Variants in JADE1 observed in about 807,000 individuals in gnomAD.
The protein encoded by JADE1 is jade family PHD finger 1.
Under a neutral mutation model 81.8 loss-of-function variants are expected in JADE1, and 14 were observed. The observed-to-expected ratio is 0.17, with a 90% CI of 0.11 to 0.27. JADE1 has a LOEUF of 0.27. JADE1 is among the 10% of genes least tolerant of loss of function. The probability of loss-of-function intolerance (pLI) is 1.00; values close to 1 mark genes in which losing one functional copy is unlikely to be tolerated. For missense variants in JADE1, 690 were observed against 1,047.9 expected (o/e 0.66, Z 4.71); for synonymous variants, 353 against 391.9 (o/e 0.90, Z 1.17).
In JADE1 at chr4:128,873,131, A is replaced by G. The variant is rs1245601261; in HGVS notation, c.*869A>G. 21 of 253,698 alleles carry G rather than the reference A, an allele frequency of 8.3e-5. No individual in the cohort carries two copies. 15.7% of individuals were successfully genotyped at this position (253,698 alleles called of 1,614,324 possible). On this transcript the variant is annotated 3_prime_UTR_variant, in exon 11 of 11. Coordinates refer to ENST00000226319, the MANE Select transcript of JADE1 (RefSeq NM_199320.4). Reference sequence around the variant, plus strand: ...CTGGCCATCTGGCTTCCAATAGTACAGTGGCTACTCAAGTTCAAGCGAAGA... The same window carrying G: ...CTGGCCATCTGGCTTCCAATAGTACGGTGGCTACTCAAGTTCAAGCGAAGA...
At position 128,871,889 on chromosome 4, in the gene JADE1, CCAAGTG is replaced by C. The variant is rs1732222888; in HGVS notation, c.2160_2165del (p.Lys720_Cys721del). 1 of 1,613,938 alleles carries C rather than the reference CCAAGTG, an allele frequency of 6.2e-7. No individual in the cohort carries two copies. The highest frequency in any genetic ancestry group is 1.3e-5 in the African/African-American group (1 of 74,896). Reference sequence around the variant, plus strand: ...CCTGGCACAAGGAAGGAGATAGTGCCCAAGTGCAATGGCTCCCTAATCAAAGTAAAC... The same window carrying C: ...CCTGGCACAAGGAAGGAGATAGTGCCCAATGGCTCCCTAATCAAAGTAAAC... On this transcript the variant is annotated inframe_deletion, in exon 11 of 11. Transcript: ENST00000226319. The surrounding 1 kb of genome is among the most constrained non-coding windows in gnomAD (Gnocchi z 4.1).
intron 1 of JADE1, among the ~76,000 whole-genome samples, chr4:128,826,541 T>G (rs1182729232): frequency 1.3e-5 from 2 of 151,362 alleles, no homozygotes; most frequent in East Asian, 1.9e-4. Context: ...TGTTTTTTTT[T>G]TTTTTTTCAG....
chr4:128,862,749 G>C, intron 9 of JADE1: 1 of 1,004,166 alleles, frequency 1.0e-6, no homozygotes, highest in Non-Finnish European at 1.2e-6. Flanking sequence ...TTTGTTTCTT[G>C]GGTAATTCAC....
chr4:128,870,757 A>C (rs1732130691), intron 10 of JADE1, among the ~76,000 whole-genome samples: 1 of 152,182 alleles, frequency 6.6e-6, no homozygotes, highest in Non-Finnish European at 1.5e-5. Flanking sequence ...AATCCCACAA[A>C]TGTATTTTGC....
chr4:128,845,018 G>A (rs1729748928), intron 3 of JADE1, among the ~76,000 whole-genome samples: 1 of 152,224 alleles, frequency 6.6e-6, no homozygotes. Context: ...GTTCAGCATT[G>A]TGACTTGTGT....
At chr4:128,828,514 A>C (rs1177912249) in intron 1 of JADE1, among the ~76,000 whole-genome samples, 1 of 151,996 alleles carries the variant, frequency 6.6e-6, no homozygotes, top group Non-Finnish European at 1.5e-5. Context: ...ATACTGTGCC[A>C]AGTTCCCTGG....
At chr4:128,837,479 G>A (rs1482147351) in intron 2 of JADE1, among the ~76,000 whole-genome samples, 3 of 152,164 alleles carry the variant, frequency 2.0e-5, no homozygotes, top group Middle Eastern at 3.2e-3. Flanking sequence ...GCTGGGCTAC[G>A]CTGGGGTAAA....
rs975178524 is a variant in JADE1 at position 128,861,811 on chromosome 4, C to T, written c.1089C>T (p.Ser363=). Reference sequence around the variant, plus strand: ...AGAATGATGAAGTCAAGTTCAAGTCCTATTGCCCAAAGCACAGCTCACATA... The same window carrying T: ...AGAATGATGAAGTCAAGTTCAAGTCTTATTGCCCAAAGCACAGCTCACATA... ...LAENDEVKFK[S]YCPKHSSHRK... The change falls in exon 9 of 11, where the codon TCC becomes TCT. Residue 363 remains serine (S), a synonymous_variant. Coordinates refer to ENST00000226319, the MANE Select transcript of JADE1 (RefSeq NM_199320.4). 2 of 1,614,080 alleles carry T rather than the reference C, an allele frequency of 1.2e-6. No individual in the cohort carries two copies. Among genetic ancestry groups the T allele is most frequent in the East Asian group, 4.5e-5 (2 of 44,886 alleles).
intron 2 of JADE1, among the ~76,000 whole-genome samples, chr4:128,842,265 T>G (rs1332212384): frequency 6.6e-6 from 1 of 152,126 alleles, no homozygotes; most frequent in Non-Finnish European, 1.5e-5. Flanking sequence ...GAAAGCTTCC[T>G]GAAAACTCAG....
At chr4:128,855,054 G>A (rs1730674012) in intron 6 of JADE1, among the ~76,000 whole-genome samples, 1 of 151,780 alleles carries the variant, frequency 6.6e-6, no homozygotes, top group South Asian at 2.1e-4. Context: ...GAGAGTGCTG[G>A]GATCTAGTTG....
chr4:128,874,037 T>G lies in JADE1; in HGVS notation c.*1775T>G, dbSNP rs986763873. ...GGAAGAATGATGCAGGTTTTTAGAT[T>G]GACTGACTATTTTTGAGTTATGGGG... is the stretch of plus-strand genomic sequence containing the variant. On this transcript the variant is annotated 3_prime_UTR_variant, in exon 11 of 11. Transcript: ENST00000226319. 2 of 152,592 alleles carry G rather than the reference T, an allele frequency of 1.3e-5. No homozygotes were observed. The highest frequency in any genetic ancestry group is 2.9e-5 in the Non-Finnish European group (2 of 68,014). 9.5% of individuals were successfully genotyped at this position (152,592 alleles called of 1,614,324 possible).
At chr4:128,870,519 TC>T (rs1732111597) in intron 10 of JADE1, among the ~76,000 whole-genome samples, 1 of 152,186 alleles carries the variant, frequency 6.6e-6, no homozygotes, top group South Asian at 2.1e-4. Context: ...GGGTAACAAC[TC>T]ATTAGTGGGT....
At position 128,857,428 on chromosome 4, in the gene JADE1, A is replaced by G; in HGVS notation, c.955A>G (p.Asn319Asp). 1 of 1,614,114 alleles carries G rather than the reference A, an allele frequency of 6.2e-7. No individual in the cohort carries two copies. The highest frequency in any genetic ancestry group is 8.5e-7 in the Non-Finnish European group (1 of 1,179,974). The stretch of plus-strand genomic sequence containing the variant: ...GTGGGCGCTAGTGTGCAGCCTCTGC[A>G]ATGAGAAGTTTGGGGCCTCTATACA... ...SRWALVCSLC[N>D]EKFGASIQCS... Residue 319 changes from asparagine to aspartate, a missense_variant, in exon 8 of 11, where the codon AAT becomes GAT. By Grantham distance (23) the Asn-to-Asp change is conservative (BLOSUM62 1). Coordinates refer to ENST00000226319, the MANE Select transcript of JADE1 (RefSeq NM_199320.4).
At chr4:128,810,637 A>G (rs916414263) in intron 1 of JADE1, among the ~76,000 whole-genome samples, 2 of 147,952 alleles carry the variant, frequency 1.4e-5, no homozygotes, top group Non-Finnish European at 3.0e-5. Flanking sequence ...AGGTGTGCGT[A>G]GGTACATCTG....
intron 1 of JADE1, among the ~76,000 whole-genome samples, chr4:128,824,815 A>T (rs1727900454): frequency 6.6e-6 from 1 of 152,338 alleles, no homozygotes; most frequent in South Asian, 2.1e-4. Context: ...TAAAACTGAT[A>T]CTTTGAGAGA....
chr4:128,866,796 ACT>A (rs1309366464), intron 9 of JADE1, among the ~76,000 whole-genome samples: 1 of 152,220 alleles, frequency 6.6e-6, no homozygotes, highest in Non-Finnish European at 1.5e-5. Flanking sequence ...CACTCCTGCC[ACT>A]GAGATTACTT....
intron 8 of JADE1, among the ~76,000 whole-genome samples, chr4:128,861,013 G>A (rs1478582354): frequency 6.6e-6 from 1 of 152,032 alleles, no homozygotes; most frequent in Admixed American, 6.6e-5. Flanking sequence ...TTTCTCCTTC[G>A]TGCTGCTTCA....
chr4:128,822,799 C>G (rs988904095), intron 1 of JADE1, among the ~76,000 whole-genome samples: 1 of 152,184 alleles, frequency 6.6e-6, no homozygotes, highest in Non-Finnish European at 1.5e-5. Context: ...TCTTGGAACC[C>G]TTTGGTCACA....
chr4:128,834,625 C>T (rs755155079), intron 2 of JADE1, among the ~76,000 whole-genome samples: 1 of 150,116 alleles, frequency 6.7e-6, no homozygotes, highest in Non-Finnish European at 1.5e-5. Flanking sequence ...AGCTCTGCCT[C>T]CTGGGTTCAC....
Sources: gnomAD v4.1 joint callset for allele counts (sites outside exome capture counted in the v4.1 genomes callset) on GRCh38, gnomAD v4.1.1 for gene constraint, Gnocchi (gnomAD v3.1) non-coding constraint, MANE v1.5 for transcripts, NCBI Gene and HGNC (gene_info 2026-07-23, HGNC 2026-07-21) for gene names.